The following PCDHGB3 variants were observed in gnomAD, a reference collection of about 807,000 sequenced individuals.
The protein encoded by PCDHGB3 is protocadherin gamma-B3.
A neutral mutation model predicts 59.2 loss-of-function variants in PCDHGB3; 40 were observed. The observed-to-expected ratio is 0.68, with a 90% confidence interval of 0.52 to 0.88. The LOEUF is 0.88. Among genes scored for constraint, PCDHGB3 ranks in the 40% least tolerant of loss-of-function variants. The probability of loss-of-function intolerance (pLI) is 0.00; values close to 1 mark genes in which losing one functional copy is unlikely to be tolerated. For missense variants in PCDHGB3, 1,309 were observed against 1,187.9 expected (o/e 1.10, Z -1.50); for synonymous variants, 581 against 503.6 (o/e 1.15, Z -2.06).
Position 141,489,172 on chromosome 5 carries a change from T to G in PCDHGB3, c.2416-5635T>G. 1 of 1,199,026 alleles carries G rather than the reference T, an allele frequency of 8.3e-7. No individual in the cohort carries two copies. Among genetic ancestry groups the G allele is most frequent in the East Asian group, 2.4e-5 (1 of 42,106 alleles). The allele number at this position is 1,199,026 out of a possible 1,614,324, so 74.3% of individuals were successfully genotyped here. ...ACATAAGAGACTTCAGCTGCTGCATTCCAAGCCCTGGGTCTACCTTGGAGA... is the reference window on the plus strand; with the variant it reads ...ACATAAGAGACTTCAGCTGCTGCATGCCAAGCCCTGGGTCTACCTTGGAGA... On this transcript the variant is annotated intron_variant, in intron 1 of 3. Coordinates refer to ENST00000576222, the MANE Select transcript of PCDHGB3 (RefSeq NM_018924.5). This position sits in a 1 kb window ranked among gnomAD's most constrained non-coding sequence, Gnocchi z 4.5.
intron 1 of PCDHGB3, among the ~76,000 whole-genome samples, chr5:141,482,723 A>G (rs1441054551): frequency 2.3e-5 from 3 of 128,892 alleles, no homozygotes; most frequent in Non-Finnish European, 4.9e-5. Context: ...GGGAGGGGCC[A>G]TTGCAAGAAA....
intron 1 of PCDHGB3, chr5:141,433,097 G>C: frequency 6.2e-7 from 1 of 1,614,162 alleles, no homozygotes; most frequent in Non-Finnish European, 8.5e-7. Context: ...AGACATGCTC[G>C]TCAGCCAGGA....
intron 1 of PCDHGB3, chr5:141,428,207 T>G (rs1213295979): frequency 7.6e-7 from 1 of 1,308,340 alleles, no homozygotes; most frequent in African/African-American, 1.4e-5. Context: ...GCCGCTACGC[T>G]TCACCTAGTC....
chr5:141,389,481 C>T (rs372276550), intron 1 of PCDHGB3: 5 of 1,612,962 alleles, frequency 3.1e-6, no homozygotes, highest in African/African-American at 1.3e-5. Context: ...ACTGCAGGCC[C>T]GCGACCAGGG....
chr5:141,443,244 G>A (rs1277982376), intron 1 of PCDHGB3, among the ~76,000 whole-genome samples: 4 of 151,542 alleles, frequency 2.6e-5, no homozygotes, highest in African/African-American at 9.7e-5. Flanking sequence ...ACTTTGGGGC[G>A]CCAAGGCGGG....
At chr5:141,470,599 C>T (rs967683467) in intron 1 of PCDHGB3, among the ~76,000 whole-genome samples, 12 of 152,194 alleles carry the variant, frequency 7.9e-5, no homozygotes, top group Non-Finnish European at 1.2e-4. Context: ...GCGACCTGTG[C>T]GGGGACACAG....
chr5:141,420,076 T>TC, intron 1 of PCDHGB3: 1 of 1,613,956 alleles, frequency 6.2e-7, no homozygotes, highest in Non-Finnish European at 8.5e-7. Context: ...GACCTGTGGG[T>TC]CCCCCCAACT....
In PCDHGB3 at chr5:141,491,893, G is replaced by C. The variant is rs2099734820; in HGVS notation, c.2416-2914G>C. The C allele has an allele frequency of 6.9e-7, 1 of 1,438,856 alleles. No individual in the cohort carries two copies. The highest frequency in any genetic ancestry group is 9.2e-7 in the Non-Finnish European group (1 of 1,088,104). 89.1% of individuals were successfully genotyped at this position (1,438,856 alleles called of 1,614,324 possible). A position where few individuals can be genotyped will look rare whatever the true frequency, so the allele number is the denominator to read the frequency against. ...GGCCGATTAAGGGATGGGGCTCCGA[G>C]CACCGGGGGTGGTGGCGACTGTGGG... On this transcript the variant is annotated intron_variant, in intron 1 of 3. Coordinates refer to ENST00000576222, the MANE Select transcript of PCDHGB3 (RefSeq NM_018924.5). The surrounding 1 kb of genome is among the most constrained non-coding windows in gnomAD (Gnocchi z 6.9).
intron 1 of PCDHGB3, chr5:141,423,860 G>A: frequency 7.8e-7 from 1 of 1,283,074 alleles, no homozygotes; most frequent in Non-Finnish European, 9.9e-7. Context: ...ACGTTTTTGT[G>A]AAAGTCATTT....
At chr5:141,472,980 C>CAAAAAAAAAAAA (rs60579131) in intron 1 of PCDHGB3, among the ~76,000 whole-genome samples, 2 of 86,098 alleles carry the variant, frequency 2.3e-5, no homozygotes, top group African/African-American at 3.9e-5. Context: ...GAGTGAAACT[C>CAAAAAAAAAAAA]AAAAAAAAAA....
chr5:141,383,455 G>A (rs1330166497), intron 1 of PCDHGB3: 1 of 1,613,936 alleles, frequency 6.2e-7, no homozygotes, highest in South Asian at 1.1e-5. Context: ...GCAAAGTGGA[G>A]ACGATGAAAC....
chr5:141,492,360 G>A (rs2099739696), intron 1 of PCDHGB3, among the ~76,000 whole-genome samples: 1 of 152,190 alleles, frequency 6.6e-6, no homozygotes, highest in African/African-American at 2.4e-5. Context: ...CCACTCGCTC[G>A]CGGCCAGATT....
chr5:141,383,319 A>T, intron 1 of PCDHGB3: 2 of 1,614,020 alleles, frequency 1.2e-6, no homozygotes, highest in Non-Finnish European at 1.7e-6. Context: ...AAATAAATGT[A>T]AAAATAATGG....
intron 1 of PCDHGB3, chr5:141,418,471 G>A (rs199547102): frequency 1.9e-6 from 3 of 1,614,002 alleles, no homozygotes; most frequent in South Asian, 2.2e-5. Flanking sequence ...ACCGAGAAAC[G>A]CAGAGCGCTC....
At chr5:141,389,911 G>A in intron 1 of PCDHGB3, 1 of 1,614,066 alleles carries the variant, frequency 6.2e-7, no homozygotes, top group South Asian at 1.1e-5. Flanking sequence ...ATCACTGACC[G>A]CCCCGACCCC....
At chr5:141,404,914 C>G (rs1423848318) in intron 1 of PCDHGB3, 1 of 1,613,830 alleles carries the variant, frequency 6.2e-7, no homozygotes, top group Non-Finnish European at 8.5e-7. Flanking sequence ...AGCCCCCTCT[C>G]TCGGCCACTG....
chr5:141,485,827 G>A lies in PCDHGB3; in HGVS notation c.2416-8980G>A. 1 of 1,614,154 alleles carries A rather than the reference G, an allele frequency of 6.2e-7. No individual in the cohort carries two copies. The highest frequency in any genetic ancestry group is 1.1e-5 in the South Asian group (1 of 91,080). On this transcript the variant is annotated intron_variant, in intron 1 of 3. Coordinates refer to ENST00000576222, the MANE Select transcript of PCDHGB3 (RefSeq NM_018924.5). The surrounding 1 kb of genome is among the most constrained non-coding windows in gnomAD (Gnocchi z 5.7). Reference sequence around the variant, plus strand: ...TGGTGCTGACTGCTGTCGATGGAGGGAACCCGCCGAGATCTGGCACCGCAG... The same window carrying A: ...TGGTGCTGACTGCTGTCGATGGAGGAAACCCGCCGAGATCTGGCACCGCAG...
At chr5:141,426,882 C>A (rs528411309) in intron 1 of PCDHGB3, 1 of 456,664 alleles carries the variant, frequency 2.2e-6, no homozygotes, top group African/African-American at 2.0e-5. Context: ...GCCCCTGGGC[C>A]AGGAGCAACA....
chr5:141,473,925 T>C (rs1338065496), intron 1 of PCDHGB3, among the ~76,000 whole-genome samples: 1 of 152,124 alleles, frequency 6.6e-6, no homozygotes, highest in East Asian at 1.9e-4. Context: ...AACTATGAGC[T>C]GGGTGCAGTA....
Sources: allele counts gnomAD v4.1 joint callset (sites outside exome capture counted in the v4.1 genomes callset), GRCh38; gene constraint gnomAD v4.1.1; non-coding constraint Gnocchi (gnomAD v3.1); transcripts MANE v1.5; gene names NCBI Gene and HGNC (gene_info 2026-07-23, HGNC 2026-07-21).